The following GFOD1 variants were observed in gnomAD, a reference collection of about 807,000 sequenced individuals.
GFOD1 encodes the protein glucose-fructose oxidoreductase domain-containing protein 1.
A neutral mutation model predicts 25.4 loss-of-function variants in GFOD1; 9 were observed. The observed-to-expected ratio is 0.35, with a 90% CI of 0.21 to 0.62. The LOEUF is 0.62. GFOD1 is among the 20% of genes least tolerant of loss of function. The pLI is 0.72. For missense variants in GFOD1, 403 were observed against 556.9 expected (o/e 0.72, Z 2.78); for synonymous variants, 253 against 245.6 (o/e 1.03, Z -0.28).
rs780298684 is a variant in GFOD1, at chr6:13,361,430, G to A, written c.*3313C>T. 6.5e-6 allele frequency: 1 copy of A among 154,906 alleles called. No individual in the cohort carries two copies. Among genetic ancestry groups the A allele is most frequent in the African/African-American group, 2.4e-5 (1 of 41,444 alleles). 9.6% of individuals were successfully genotyped at this position (154,906 alleles called of 1,614,324 possible). A position where few individuals can be genotyped will look rare whatever the true frequency, so the allele number is the denominator to read the frequency against. ...AAGACTCTTAAAGCACTGCCTCCTT[G>A]CATCGAGGCCCTTGAAACACATTAA... On this transcript the variant is annotated 3_prime_UTR_variant, in exon 2 of 2. Transcript: ENST00000379287.
intron 1 of GFOD1, among the ~76,000 whole-genome samples, chr6:13,377,325 T>A (rs1198250324): frequency 6.6e-6 from 1 of 152,192 alleles, no homozygotes; most frequent in Non-Finnish European, 1.5e-5. Flanking sequence ...AGAACAGAAG[T>A]TCAGGTGGGC....
intron 1 of GFOD1, among the ~76,000 whole-genome samples, chr6:13,398,832 G>C (rs1409921037): frequency 6.6e-6 from 1 of 152,200 alleles, no homozygotes; most frequent in African/African-American, 2.4e-5. Flanking sequence ...CAGGAGGTAG[G>C]GAGGGACATC....
intron 1 of GFOD1, among the ~76,000 whole-genome samples, chr6:13,453,258 G>T (rs1019061640): frequency 2.0e-5 from 3 of 152,144 alleles, no homozygotes; most frequent in Non-Finnish European, 4.4e-5. Flanking sequence ...TTTGAAGAAC[G>T]CCTGTTACCT....
chr6:13,432,419 G>T (rs1191724498), intron 1 of GFOD1, among the ~76,000 whole-genome samples: 1 of 151,888 alleles, frequency 6.6e-6, no homozygotes, highest in Non-Finnish European at 1.5e-5. Flanking sequence ...ATCTCACTAG[G>T]TTGGTCTCAA....
chr6:13,391,304 C>T (rs1785603428), intron 1 of GFOD1, among the ~76,000 whole-genome samples: 1 of 151,966 alleles, frequency 6.6e-6, no homozygotes, highest in Admixed American at 6.6e-5. Context: ...TTGAAACCAG[C>T]CTGGCCAACA....
Position 13,365,797 on chromosome 6 carries a change from C to A in GFOD1, c.254-135G>T. 1.3e-6 allele frequency: 1 copy of A among 749,772 alleles called. No homozygotes were observed. Among genetic ancestry groups the A allele is most frequent in the Non-Finnish European group, 2.1e-6 (1 of 475,112 alleles). 46.4% of individuals were successfully genotyped at this position (749,772 alleles called of 1,614,324 possible). On this transcript the variant is annotated intron_variant, in intron 1 of 1. Coordinates refer to ENST00000379287, the MANE Select transcript of GFOD1 (RefSeq NM_018988.4). The surrounding 1 kb of genome is among the most constrained non-coding windows in gnomAD (Gnocchi z 9.2). ...TGGTGGCTCATGCCTGTTGTCCCAG[C>A]ACTTTGGGAGGCCAAGGCCGGAGGA...
At chr6:13,465,477 T>C (rs963642038) in intron 1 of GFOD1, among the ~76,000 whole-genome samples, 1 of 152,182 alleles carries the variant, frequency 6.6e-6, no homozygotes, top group Non-Finnish European at 1.5e-5. Flanking sequence ...ATCTGCATTT[T>C]AACAGATGCC....
At position 13,358,468 on chromosome 6, in the gene GFOD1, G is replaced by A. The variant is rs1186681524; in HGVS notation, c.*6275C>T. ...CTATAAAAGCACCAGGCAGCAGACAGAAAGTCACATTTGCTAGAAACTTCT... is the reference window on the plus strand; with the variant it reads ...CTATAAAAGCACCAGGCAGCAGACAAAAAGTCACATTTGCTAGAAACTTCT... On this transcript the variant is annotated 3_prime_UTR_variant, in exon 2 of 2. Transcript: ENST00000379287. 6.6e-6 allele frequency: 1 copy of A among 152,166 alleles called. No homozygotes were observed. Among genetic ancestry groups the A allele is most frequent in the Non-Finnish European group, 1.5e-5 (1 of 68,030 alleles). 9.4% of individuals were successfully genotyped at this position (152,166 alleles called of 1,614,324 possible).
intron 1 of GFOD1, among the ~76,000 whole-genome samples, chr6:13,443,057 CAACA>C: frequency 6.6e-6 from 1 of 152,156 alleles, no homozygotes; most frequent in Admixed American, 6.5e-5. Flanking sequence ...GTCAAAATAT[CAACA>C]TTGACAGGAG....
At chr6:13,379,029 C>G (rs910420227) in intron 1 of GFOD1, among the ~76,000 whole-genome samples, 1 of 152,224 alleles carries the variant, frequency 6.6e-6, no homozygotes, top group Non-Finnish European at 1.5e-5. Flanking sequence ...GCTCCACCCA[C>G]AGCAGGTGGT....
intron 1 of GFOD1, chr6:13,470,077 A>T (rs1403243984): frequency 7.2e-7 from 1 of 1,393,828 alleles, no homozygotes; most frequent in African/African-American, 1.4e-5. Context: ...ATGGGTGAGG[A>T]ATACAGATGT....
chr6:13,437,169 C>T (rs1757846722), intron 1 of GFOD1, among the ~76,000 whole-genome samples: 1 of 152,182 alleles, frequency 6.6e-6, no homozygotes, highest in African/African-American at 2.4e-5. Flanking sequence ...CTCAAAGCCT[C>T]TCCCTGCTCT....
At chr6:13,457,379 A>G (rs1357806719) in intron 1 of GFOD1, among the ~76,000 whole-genome samples, 1 of 152,224 alleles carries the variant, frequency 6.6e-6, no homozygotes, top group Non-Finnish European at 1.5e-5. Flanking sequence ...ATAAGCAGAG[A>G]GCCAATCAAG....
At position 13,359,911 on chromosome 6, in the gene GFOD1, A is replaced by T. The variant is rs1048276165; in HGVS notation, c.*4832T>A. The T allele has an allele frequency of 6.7e-6, 1 of 148,524 alleles. No homozygotes were observed. The highest frequency in any genetic ancestry group is 1.5e-5 in the Non-Finnish European group (1 of 67,874). 9.2% of individuals were successfully genotyped at this position (148,524 alleles called of 1,614,324 possible). ...CAGTGAGCTGAGATCACGCCATTGC[A>T]CTCCAGCCTGGGTGACAGAGTAAGA... On this transcript the variant is annotated 3_prime_UTR_variant, in exon 2 of 2. Transcript: ENST00000379287.
chr6:13,471,491 G>C (rs1758504904), intron 1 of GFOD1, among the ~76,000 whole-genome samples: 1 of 152,188 alleles, frequency 6.6e-6, no homozygotes, highest in Non-Finnish European at 1.5e-5. Context: ...GAGGGGCACT[G>C]TCATTTATCT....
Position 13,409,910 on chromosome 6 carries a change from G to GGGGGCA in GFOD1, c.254-44249_254-44248insTGCCCC, listed in dbSNP as rs762802406. Among the ~76,000 whole-genome samples the GGGGGCA allele has an allele frequency of 1.1e-4, 15 of 137,242 alleles. No homozygotes were observed. In the Admixed American group the frequency reaches 1.2e-3, roughly 11 times the overall value. The allele number at this position is 137,242 out of a possible 152,430, so 90.0% of individuals were successfully genotyped here. On this transcript the variant is annotated intron_variant, in intron 1 of 1. Coordinates refer to ENST00000379287, the MANE Select transcript of GFOD1 (RefSeq NM_018988.4). ...TGCACTCTAGCCTGGGCGACAGAGC[G>GGGGGCA]GGGCTCCATTTCAAAAAAAAAAAAA...
chr6:13,462,347 T>C (rs1758307235), intron 1 of GFOD1, among the ~76,000 whole-genome samples: 1 of 152,206 alleles, frequency 6.6e-6, no homozygotes, highest in Non-Finnish European at 1.5e-5. Context: ...GTGAATGTCA[T>C]AAATTAGGGT....
At chr6:13,440,130 G>A (rs1022664102) in intron 1 of GFOD1, among the ~76,000 whole-genome samples, 15 of 152,116 alleles carry the variant, frequency 9.9e-5, no homozygotes, top group African/African-American at 3.1e-4. Context: ...TAGCATTCCA[G>A]GCTGTTCAGT....
rs1326428646 is a variant in GFOD1, at chr6:13,358,721, G to A, written c.*6022C>T. On this transcript the variant is annotated 3_prime_UTR_variant, in exon 2 of 2. Transcript: ENST00000379287. Reference sequence around the variant, plus strand: ...TGCAGGGGACAGTAGAGACCTGGAAGGGGAAGGAGAGAGACAGTGACCTGG... The same window carrying A: ...TGCAGGGGACAGTAGAGACCTGGAAAGGGAAGGAGAGAGACAGTGACCTGG... 1 of 152,314 alleles carries A rather than the reference G, an allele frequency of 6.6e-6. No individual in the cohort carries two copies. The highest frequency in any genetic ancestry group is 6.5e-5 in the Admixed American group (1 of 15,288). 9.4% of individuals were successfully genotyped at this position (152,314 alleles called of 1,614,324 possible). A position where few individuals can be genotyped will look rare whatever the true frequency, so the allele number is the denominator to read the frequency against.
Sources: allele counts gnomAD v4.1 joint callset (sites outside exome capture counted in the v4.1 genomes callset), GRCh38; gene constraint gnomAD v4.1.1; non-coding constraint Gnocchi (gnomAD v3.1); transcripts MANE v1.5; gene names NCBI Gene and HGNC (gene_info 2026-07-23, HGNC 2026-07-21).